HIF1A: variants seen among roughly 807,000 people sequenced by gnomAD.
HIF1A encodes hypoxia inducible factor 1 subunit alpha, also known as hypoxia-inducible factor 1-alpha.
In HIF1A, 24 loss-of-function variants were observed where a neutral mutation model predicts 92.7. The ratio of observed to expected loss-of-function variants is 0.26; its 90% CI spans 0.19 to 0.36. HIF1A has a LOEUF of 0.36. HIF1A is among the 10% of genes least tolerant of loss of function. HIF1A has a pLI of 1.00. For synonymous variants in HIF1A, 319 were observed against 338.7 expected (o/e 0.94, Z 0.64); for missense variants, 799 against 998.5 (o/e 0.80, Z 2.69).
intron 1 of HIF1A, among the ~76,000 whole-genome samples, chr14:61,719,014 T>C (rs191110840): frequency 8.3e-4 from 127 of 152,352 alleles, no homozygotes; most frequent in Non-Finnish European, 1.7e-3. Flanking sequence ...CAACATGTTA[T>C]ATTGTAACAA....
intron 2 of HIF1A, among the ~76,000 whole-genome samples, chr14:61,721,241 A>G (rs1453031630): frequency 6.6e-6 from 1 of 152,180 alleles, no homozygotes; most frequent in East Asian, 1.9e-4. Context: ...ACTCCATCTC[A>G]AAAATAATAA....
intron 1 of HIF1A, among the ~76,000 whole-genome samples, chr14:61,701,355 T>G (rs910772505): frequency 6.6e-6 from 1 of 152,238 alleles, no homozygotes; most frequent in South Asian, 2.1e-4. Context: ...AGTTCTTCAC[T>G]TGTTTGAAAA....
Position 61,727,438 on chromosome 14 carries a change from G to A in HIF1A, c.571-15G>A. 6.3e-7 allele frequency: 1 copy of A among 1,579,224 alleles called. No homozygotes were observed. The highest frequency in any genetic ancestry group is 8.7e-7 in the Non-Finnish European group (1 of 1,152,138). ...TGTAAATATTTTTTTTAACTGCTTTGTTCTTCATACACAGGTATTGCACTG... is the reference window on the plus strand; with the variant it reads ...TGTAAATATTTTTTTTAACTGCTTTATTCTTCATACACAGGTATTGCACTG... On this transcript the variant is annotated splice_polypyrimidine_tract_variant and intron_variant, in intron 5 of 14. Transcript: ENST00000337138.
chr14:61,697,662 TTC>T, intron 1 of HIF1A: 4 of 1,179,942 alleles, frequency 3.4e-6, no homozygotes, highest in Middle Eastern at 6.8e-4. Context: ...GGATTCATAT[TTC>T]TTAGTATAGA....
chr14:61,720,645 A>C (rs2044415851), intron 2 of HIF1A, 73 bp downstream of exon 2: 1 of 971,714 alleles, frequency 1.0e-6, no homozygotes. Flanking sequence ...TATTTTTAGA[A>C]GGTGGTCGCA....
chr14:61,697,978 T>C (rs1003437923), intron 1 of HIF1A: 106 of 1,336,278 alleles, frequency 7.9e-5, no homozygotes, highest in Middle Eastern at 5.5e-4. Context: ...ACTGTAGATT[T>C]AACGCAGGAC....
chr14:61,725,087 C>T (rs955164345), intron 4 of HIF1A, among the ~76,000 whole-genome samples: 15 of 152,184 alleles, frequency 9.9e-5, no homozygotes, highest in African/African-American at 3.4e-4. Context: ...GAATACCCTT[C>T]TAACCCATCT....
chr14:61,705,420 T>TTAC (rs2044228824), intron 1 of HIF1A, among the ~76,000 whole-genome samples: 1 of 150,776 alleles, frequency 6.6e-6, no homozygotes, highest in Admixed American at 6.6e-5. Flanking sequence ...TTTAACTCTA[T>TTAC]TAAACAAAGC....
chr14:61,696,550 T>C (rs951628351), intron 1 of HIF1A, among the ~76,000 whole-genome samples: 2 of 152,158 alleles, frequency 1.3e-5, no homozygotes, highest in Non-Finnish European at 2.9e-5. Context: ...GTCAGAGTAA[T>C]GGGAATTTAG....
intron 1 of HIF1A, among the ~76,000 whole-genome samples, chr14:61,703,360 A>G (rs892938743): frequency 3.3e-5 from 5 of 152,226 alleles, no homozygotes; most frequent in African/African-American, 1.2e-4. Context: ...TATTGCAAGT[A>G]GCAAAATACA....
intron 8 of HIF1A, among the ~76,000 whole-genome samples, chr14:61,736,258 T>A (rs2044636299): frequency 6.6e-6 from 1 of 152,316 alleles, no homozygotes; most frequent in South Asian, 2.1e-4. Flanking sequence ...ATTACAGGCA[T>A]GAGCCACCAC....
rs774190899 is a variant in HIF1A at position 61,738,158 on chromosome 14, G to A, written c.1321G>A (p.Glu441Lys). ...YNDVMLPSPNEKLQNINLAMS... is the reference protein window; with the variant it reads ...YNDVMLPSPNKKLQNINLAMS... Reference sequence around the variant, plus strand: ...TGATGTAATGCTCCCCTCACCCAACGAAAAATTACAGAATATAAATTTGGC... The same window carrying A: ...TGATGTAATGCTCCCCTCACCCAACAAAAAATTACAGAATATAAATTTGGC... The change falls in exon 10 of 15, where the codon GAA becomes AAA. Residue 441 changes from glutamate (E) to lysine (K), a missense_variant. Coordinates refer to ENST00000337138, the MANE Select transcript of HIF1A (RefSeq NM_001530.4). 5.6e-6 allele frequency: 9 copies of A among 1,613,892 alleles called. No homozygotes were observed. Among genetic ancestry groups the A allele is most frequent in the South Asian group, 1.1e-5 (1 of 91,072 alleles).
chr14:61,699,275 T>C (rs909595272), intron 1 of HIF1A, among the ~76,000 whole-genome samples: 2 of 152,210 alleles, frequency 1.3e-5, no homozygotes, highest in Admixed American at 6.5e-5. Context: ...GCAGAGCACC[T>C]TGTGCAGTTT....
intron 2 of HIF1A, among the ~76,000 whole-genome samples, chr14:61,720,905 T>TC (rs1486043910): frequency 6.6e-6 from 1 of 152,032 alleles, no homozygotes; most frequent in Non-Finnish European, 1.5e-5. Context: ...GCTTTTCCCC[T>TC]CCCCCCTTTT....
chr14:61,716,734 G>A (rs1037310156), intron 1 of HIF1A, among the ~76,000 whole-genome samples: 1 of 148,354 alleles, frequency 6.7e-6, no homozygotes, highest in Non-Finnish European at 1.5e-5. Context: ...TTAATAAGAC[G>A]GGCTCAAAAT....
At chr14:61,722,390 C>A (rs1325013978) in intron 4 of HIF1A, among the ~76,000 whole-genome samples, 1 of 151,564 alleles carries the variant, frequency 6.6e-6, no homozygotes, top group Non-Finnish European at 1.5e-5. Context: ...GCCCAGGCTA[C>A]CTTTTTTTTC....
intron 12 of HIF1A, among the ~76,000 whole-genome samples, chr14:61,742,404 G>C (rs945963171): frequency 6.6e-6 from 1 of 152,184 alleles, no homozygotes; most frequent in South Asian, 2.1e-4. Context: ...GCTGGGAGAG[G>C]TCTTTTCCCT....
intron 4 of HIF1A, among the ~76,000 whole-genome samples, chr14:61,724,091 G>GT (rs1289815096): frequency 6.7e-6 from 1 of 149,916 alleles, no homozygotes. Context: ...TAAAATTTAG[G>GT]TTTTTTTAAT....
Position 61,740,541 on chromosome 14 carries a change from A to T in HIF1A, c.1573A>T (p.Ser525Cys). Reference sequence around the variant, plus strand: ...CAGTGAATATTGTTTTTATGTGGATAGTGATATGGTCAATGAATTCAAGTT... The same window carrying T: ...CAGTGAATATTGTTTTTATGTGGATTGTGATATGGTCAATGAATTCAAGTT... ...SPSEYCFYVD[S>C]DMVNEFKLEL... The change falls in exon 11 of 15, where the codon AGT becomes TGT. Residue 525 changes from serine to cysteine, a missense_variant. Ser to Cys is a moderately radical substitution (Grantham distance 112). Coordinates refer to ENST00000337138, the MANE Select transcript of HIF1A (RefSeq NM_001530.4). 6.3e-7 allele frequency: 1 copy of T among 1,594,858 alleles called. No homozygotes were observed. The highest frequency in any genetic ancestry group is 8.6e-7 in the Non-Finnish European group (1 of 1,166,282).
Sources: allele counts gnomAD v4.1 joint callset (sites outside exome capture counted in the v4.1 genomes callset), GRCh38; gene constraint gnomAD v4.1.1; transcripts MANE v1.5; gene names NCBI Gene and HGNC (gene_info 2026-07-23, HGNC 2026-07-21).